The following ULK4 variants were observed in gnomAD, a reference collection of about 807,000 sequenced individuals.
ULK4 encodes the protein unc-51 like kinase 4.
In ULK4, 133 loss-of-function variants were observed where a neutral mutation model predicts 160.6. That is an observed-to-expected ratio of 0.83 (90% CI 0.72 to 0.96). The LOEUF (loss-of-function observed/expected upper bound fraction) is 0.96. Among genes scored for constraint, ULK4 ranks in the 40% least tolerant of loss-of-function variants. The probability of loss-of-function intolerance (pLI) is 0.00; values close to 1 mark genes in which losing one functional copy is unlikely to be tolerated. For missense variants in ULK4, 1,580 were observed against 1,499.5 expected (o/e 1.05, Z -0.89); for synonymous variants, 534 against 539.8 (o/e 0.99, Z 0.15).
chr3:41,483,697 T>G (rs2084407240), intron 32 of ULK4, among the ~76,000 whole-genome samples: 1 of 152,194 alleles, frequency 6.6e-6, no homozygotes, highest in Non-Finnish European at 1.5e-5. Flanking sequence ...CCCTGGACCC[T>G]GTGAATATGA....
intron 17 of ULK4, among the ~76,000 whole-genome samples, chr3:41,858,296 C>A (rs975989650): frequency 2.0e-4 from 30 of 151,006 alleles, no homozygotes; most frequent in Non-Finnish European, 3.5e-4. Flanking sequence ...GAATTACAGG[C>A]GCCTGCCACC....
At chr3:41,626,904 G>A (rs181370922) in intron 30 of ULK4, among the ~76,000 whole-genome samples, 13 of 152,088 alleles carry the variant, frequency 8.5e-5, no homozygotes, top group African/African-American at 3.1e-4. Flanking sequence ...TCTATTTTCT[G>A]GCACAGCTGT....
intron 35 of ULK4, among the ~76,000 whole-genome samples, chr3:41,381,825 G>A (rs549533134): frequency 2.0e-5 from 3 of 151,914 alleles, no homozygotes; most frequent in South Asian, 2.1e-4. Context: ...CAGTGTTTAC[G>A]AGGGTTTACA....
At chr3:41,287,193 A>T (rs191718030) in intron 35 of ULK4, among the ~76,000 whole-genome samples, 86 of 152,278 alleles carry the variant, frequency 5.6e-4, no homozygotes, top group African/African-American at 2.0e-3. Flanking sequence ...GGGGACAATA[A>T]AAAGGTGAGC....
At chr3:41,913,514 C>T (rs1449289737) in intron 8 of ULK4, among the ~76,000 whole-genome samples, 1 of 152,136 alleles carries the variant, frequency 6.6e-6, no homozygotes, top group African/African-American at 2.4e-5. Flanking sequence ...CGTGAGCCAC[C>T]GTGCTCAGCG....
Position 41,296,212 on chromosome 3 carries a change from G to C in ULK4, c.3679-46638C>G, listed in dbSNP as rs557735219. On this transcript the variant is annotated intron_variant, in intron 35 of 36. Transcript: ENST00000301831. ...GGGATGCAGTGCATGTGTGGAGGCA[G>C]AAAGTATATGGGAAATCTCTGTACT... 2.0e-5 allele frequency among the ~76,000 whole-genome samples: 3 copies of C among 152,314 alleles called. No individual in the cohort carries two copies. The East Asian group carries it at 5.8e-4, about 29-fold the overall frequency.
intron 35 of ULK4, among the ~76,000 whole-genome samples, chr3:41,324,842 T>C (rs1292666544): frequency 2.0e-5 from 3 of 152,186 alleles, no homozygotes; most frequent in Non-Finnish European, 4.4e-5. Context: ...AGAGTCTCTT[T>C]TGGTTTTCTT....
At chr3:41,861,615 T>C (rs1161900209) in intron 17 of ULK4, among the ~76,000 whole-genome samples, 1 of 152,308 alleles carries the variant, frequency 6.6e-6, no homozygotes, top group Non-Finnish European at 1.5e-5. Context: ...ATTAAATGCT[T>C]TGAGGTTGTC....
At chr3:41,435,714 AGGTG>A (rs1357548988) in intron 34 of ULK4, among the ~76,000 whole-genome samples, 5 of 152,196 alleles carry the variant, frequency 3.3e-5, no homozygotes, top group Non-Finnish European at 7.3e-5. Context: ...TGGGAGGCTG[AGGTG>A]GGTGGATCAC....
chr3:41,916,755 T>A (rs940037502), intron 7 of ULK4, among the ~76,000 whole-genome samples: 3 of 148,998 alleles, frequency 2.0e-5, no homozygotes, highest in Admixed American at 6.9e-5. Flanking sequence ...TTGCCCAGGC[T>A]GGAGTGCAAT....
At chr3:41,689,527 T>C (rs897197976) in intron 27 of ULK4, among the ~76,000 whole-genome samples, 10 of 152,302 alleles carry the variant, frequency 6.6e-5, no homozygotes, top group African/African-American at 1.2e-4. Context: ...GAGAAAATTT[T>C]CGCAACCTAC....
At chr3:41,612,204 G>A (rs1048875058) in intron 31 of ULK4, among the ~76,000 whole-genome samples, 1 of 152,028 alleles carries the variant, frequency 6.6e-6, no homozygotes, top group Non-Finnish European at 1.5e-5. Flanking sequence ...TCAATCCCAC[G>A]AGGATACTAG....
chr3:41,299,519 C>T (rs1416029535), intron 35 of ULK4, among the ~76,000 whole-genome samples: 1 of 152,188 alleles, frequency 6.6e-6, no homozygotes, highest in African/African-American at 2.4e-5. Context: ...AGTGCCCAGC[C>T]TATTAAATGG....
chr3:41,768,084 C>T (rs968420695), intron 21 of ULK4, among the ~76,000 whole-genome samples: 2 of 152,056 alleles, frequency 1.3e-5, no homozygotes, highest in African/African-American at 4.8e-5. Flanking sequence ...TTGTGAACTG[C>T]ACATACGAGG....
chr3:41,843,693 C>G (rs185020889), intron 17 of ULK4, among the ~76,000 whole-genome samples: 44 of 152,226 alleles, frequency 2.9e-4, no homozygotes, highest in African/African-American at 1.0e-3. Context: ...TGAGCAGCAG[C>G]AAGATTTATT....
At chr3:41,939,590 C>G (rs1699887037) in intron 2 of ULK4, among the ~76,000 whole-genome samples, 1 of 151,890 alleles carries the variant, frequency 6.6e-6, no homozygotes, top group South Asian at 2.1e-4. Context: ...AAGGATTCTA[C>G]AATCTACTTT....
At chr3:41,493,038 G>C (rs1403676850) in intron 32 of ULK4, among the ~76,000 whole-genome samples, 1 of 116,426 alleles carries the variant, frequency 8.6e-6, no homozygotes, top group Admixed American at 9.5e-5. Flanking sequence ...AAGTTAACAA[G>C]GATATACAGG....
intron 5 of ULK4, 122 bp downstream of exon 5, chr3:41,931,722 C>T: frequency 8.3e-7 from 1 of 1,210,032 alleles, no homozygotes; most frequent in Non-Finnish European, 1.2e-6. Context: ...GTCTGCTGGT[C>T]ATTACCATTT....
intron 16 of ULK4, among the ~76,000 whole-genome samples, chr3:41,892,412 T>C (rs1416988900): frequency 6.6e-6 from 1 of 152,236 alleles, no homozygotes; most frequent in Non-Finnish European, 1.5e-5. Flanking sequence ...CACAGCAGCA[T>C]TGTTCACAAT....
Sources: gnomAD v4.1 joint callset for allele counts (sites outside exome capture counted in the v4.1 genomes callset) on GRCh38, gnomAD v4.1.1 for gene constraint, MANE v1.5 for transcripts, NCBI Gene and HGNC (gene_info 2026-07-23, HGNC 2026-07-21) for gene names.